The following PCDHGA2 variants were observed in gnomAD, a reference collection of about 807,000 sequenced individuals.
PCDHGA2 encodes protocadherin gamma-A2.
In PCDHGA2, 40 loss-of-function variants were observed where a neutral mutation model predicts 59.2. The ratio of observed to expected loss-of-function variants is 0.68; its 90% CI spans 0.52 to 0.88. The LOEUF is 0.88. PCDHGA2 is among the 40% of genes least tolerant of loss of function. The pLI is 0.00. For synonymous variants in PCDHGA2, 560 were observed against 526.0 expected (o/e 1.06, Z -0.89); for missense variants, 1,226 against 1,204.0 (o/e 1.02, Z -0.27).
In PCDHGA2 at chr5:141,491,492, T is replaced by G. The variant is rs763487622; in HGVS notation, c.2425-3315T>G. On this transcript the variant is annotated intron_variant, in intron 1 of 3. Coordinates refer to ENST00000394576, the MANE Select transcript of PCDHGA2 (RefSeq NM_018915.4). This position sits in a 1 kb window ranked among gnomAD's most constrained non-coding sequence, Gnocchi z 6.9. ...AAGCAGTCCAGCCCCAACCTGCAGG[T>G]GAGCTCGGACGGCACGCTCAAGTAC... 3.1e-6 allele frequency: 5 copies of G among 1,614,024 alleles called. No homozygotes were observed. The highest frequency in any genetic ancestry group is 3.4e-6 in the Non-Finnish European group (4 of 1,180,006).
At chr5:141,453,370 G>A (rs969698165) in intron 1 of PCDHGA2, among the ~76,000 whole-genome samples, 1 of 152,046 alleles carries the variant, frequency 6.6e-6, no homozygotes, top group Non-Finnish European at 1.5e-5. Context: ...CTGGGGTCAA[G>A]TGATCCTCCT....
At chr5:141,447,829 T>A (rs2098552664) in intron 1 of PCDHGA2, among the ~76,000 whole-genome samples, 1 of 152,214 alleles carries the variant, frequency 6.6e-6, no homozygotes. Context: ...CTCACGCCTG[T>A]AATCCCAGTG....
intron 1 of PCDHGA2, chr5:141,388,609 T>G: frequency 6.2e-7 from 1 of 1,613,926 alleles, no homozygotes; most frequent in Non-Finnish European, 8.5e-7. Context: ...GCTCCAGTGT[T>G]CAGTCAAGAC....
At chr5:141,376,382 C>T in intron 1 of PCDHGA2, 2 of 1,614,230 alleles carry the variant, frequency 1.2e-6, no homozygotes, top group Non-Finnish European at 1.7e-6. Flanking sequence ...GCGTAAGAGT[C>T]ATCTGATTTT....
chr5:141,506,834 C>T (rs2099856597), intron 3 of PCDHGA2, among the ~76,000 whole-genome samples: 1 of 152,140 alleles, frequency 6.6e-6, no homozygotes, highest in Non-Finnish European at 1.5e-5. Flanking sequence ...ACTGATAGCC[C>T]TGCCCTCCAG....
chr5:141,420,840 T>A (rs2096528017), intron 1 of PCDHGA2, among the ~76,000 whole-genome samples: 1 of 152,250 alleles, frequency 6.6e-6, no homozygotes, highest in African/African-American at 2.4e-5. Flanking sequence ...TCGCAGGTGT[T>A]CTTGGTAAAG....
At position 141,422,164 on chromosome 5, in the gene PCDHGA2, T is replaced by C. The variant is rs2096630287; in HGVS notation, c.2425-72643T>C. 2 of 1,568,668 alleles carry C rather than the reference T, an allele frequency of 1.3e-6. No homozygotes were observed. Among genetic ancestry groups the C allele is most frequent in the Non-Finnish European group, 1.7e-6 (2 of 1,162,894 alleles). On this transcript the variant is annotated intron_variant, in intron 1 of 3. Coordinates refer to ENST00000394576, the MANE Select transcript of PCDHGA2 (RefSeq NM_018915.4). ...ACGGGGGTCTCTGGATTTTGAAAAA[T>C]ATAGATTCTATGAGATGGAAATTCA... is the stretch of plus-strand genomic sequence containing the variant.
chr5:141,511,202 C>T lies in PCDHGA2; in HGVS notation c.*29C>T, dbSNP rs201024828. 2.0e-3 allele frequency: 3,296 copies of T among 1,612,132 alleles called. 7 individuals carry two copies. Among genetic ancestry groups the T allele is most frequent in the Middle Eastern group, 0.013 (77 of 6,006 alleles). On this transcript the variant is annotated 3_prime_UTR_variant, in exon 4 of 4. Coordinates refer to ENST00000394576, the MANE Select transcript of PCDHGA2 (RefSeq NM_018915.4). ...GGAGGCCAGGCCAAGAGCCACAGGG[C>T]GGCCTCTCCCCAACCAGCCCAGCTT...
At chr5:141,430,689 T>A in intron 1 of PCDHGA2, 1 of 1,408,998 alleles carries the variant, frequency 7.1e-7, no homozygotes, top group Non-Finnish European at 9.4e-7. Flanking sequence ...TCCCATTCTA[T>A]GGGCGAAGGA....
At chr5:141,357,680 A>C (rs913716274) in intron 1 of PCDHGA2, 1 of 1,580,070 alleles carries the variant, frequency 6.3e-7, no homozygotes, top group Admixed American at 1.8e-5. Flanking sequence ...AGTTGTGTAA[A>C]TGTCTCTCAT....
chr5:141,421,312 GC>G, intron 1 of PCDHGA2: 1 of 1,613,748 alleles, frequency 6.2e-7, no homozygotes, highest in Non-Finnish European at 8.5e-7. Flanking sequence ...GGGGTTCCGG[GC>G]CAGGCAGATC....
At chr5:141,501,298 C>CAG (rs2099807427) in intron 2 of PCDHGA2, among the ~76,000 whole-genome samples, 1 of 148,330 alleles carries the variant, frequency 6.7e-6, no homozygotes, top group Non-Finnish European at 1.5e-5. Context: ...TATACACACA[C>CAG]ACACACACAC....
intron 1 of PCDHGA2, among the ~76,000 whole-genome samples, chr5:141,354,236 C>A (rs989909155): frequency 2.0e-5 from 3 of 152,054 alleles, no homozygotes; most frequent in Non-Finnish European, 2.9e-5. Context: ...TTTTTAAGAT[C>A]AGAGTTATTT....
In PCDHGA2 at chr5:141,360,565, G is replaced by A. The variant is rs180935383; in HGVS notation, c.2424+19170G>A. On this transcript the variant is annotated intron_variant, in intron 1 of 3. Coordinates refer to ENST00000394576, the MANE Select transcript of PCDHGA2 (RefSeq NM_018915.4). Reference sequence around the variant, plus strand: ...GACTAAGATTAATTTAAAAATTGGCGAATCCACTAAGCCAGGTACAACATT... The same window carrying A: ...GACTAAGATTAATTTAAAAATTGGCAAATCCACTAAGCCAGGTACAACATT... 1.0e-4 allele frequency: 167 copies of A among 1,613,896 alleles called. No homozygotes were observed. The African/African-American group carries it at 1.9e-3, about 18-fold the overall frequency.
At chr5:141,388,824 T>A in intron 1 of PCDHGA2, 1 of 1,613,960 alleles carries the variant, frequency 6.2e-7, no homozygotes, top group Non-Finnish European at 8.5e-7. Flanking sequence ...CAAAGAATAT[T>A]CCATAGTTTT....
chr5:141,431,401 C>T lies in PCDHGA2; in HGVS notation c.2425-63406C>T. ...CTGCTCACCACCTGGTCCTTACGGC[C>T]TCCGACGGGGGCGACCCGGTGCGCA... On this transcript the variant is annotated intron_variant, in intron 1 of 3. Transcript: ENST00000394576. The surrounding 1 kb of genome is among the most constrained non-coding windows in gnomAD (Gnocchi z 4.8). 2 of 1,613,800 alleles carry T rather than the reference C, an allele frequency of 1.2e-6. No homozygotes were observed. Among genetic ancestry groups the T allele is most frequent in the Admixed American group, 1.7e-5 (1 of 60,036 alleles).
chr5:141,384,652 G>T (rs372721131), intron 1 of PCDHGA2: 1 of 1,614,228 alleles, frequency 6.2e-7, no homozygotes, highest in South Asian at 1.1e-5. Context: ...CGCAGAGCCC[G>T]GCTACCTGGT....
chr5:141,375,685 C>T (rs1771752072), intron 1 of PCDHGA2: 1 of 1,614,262 alleles, frequency 6.2e-7, no homozygotes, highest in Non-Finnish European at 8.5e-7. Flanking sequence ...GGGTGACAGC[C>T]AGCGACAGCG....
chr5:141,421,831 G>C lies in PCDHGA2; in HGVS notation c.2425-72976G>C, dbSNP rs201283981. ...AGAGCTAGTACTGGAGGGAAGCCTG[G>C]ACCGAGAGAAAGAGGCTGCTCACCT... On this transcript the variant is annotated intron_variant, in intron 1 of 3. Transcript: ENST00000394576. 68 of 1,613,784 alleles carry C rather than the reference G, an allele frequency of 4.2e-5. 1 individual carries two copies. The East Asian group carries it at 1.4e-3, about 33-fold the overall frequency.
Sources: allele counts gnomAD v4.1 joint callset (sites outside exome capture counted in the v4.1 genomes callset), GRCh38; gene constraint gnomAD v4.1.1; non-coding constraint Gnocchi (gnomAD v3.1); transcripts MANE v1.5; gene names NCBI Gene and HGNC (gene_info 2026-07-23, HGNC 2026-07-21).